ALDH7A1: variants seen among roughly 807,000 people sequenced by gnomAD.
ALDH7A1 encodes the protein aldehyde dehydrogenase 7 family member A1, also known as alpha-aminoadipic semialdehyde dehydrogenase.
A neutral mutation model predicts 79.9 loss-of-function variants in ALDH7A1; 63 were observed. The observed-to-expected ratio is 0.79, with a 90% CI of 0.64 to 0.97. The LOEUF is 0.97. ALDH7A1 is among the 50% of genes least tolerant of loss of function. ALDH7A1 has a pLI of 0.00. For missense variants in ALDH7A1, 627 were observed against 665.2 expected, an observed-to-expected ratio of 0.94 and a Z score of 0.63; for synonymous variants, 240 against 231.2, an observed-to-expected ratio of 1.04 and a Z score of -0.34.
chr5:126,571,153 T>A, intron 7 of ALDH7A1: 5 of 108,492 alleles, frequency 4.6e-5, no homozygotes, highest in Non-Finnish European at 7.8e-5. Flanking sequence ...TTAGCAGATT[T>A]TTTTTTTTTT....
chr5:126,571,079 T>C (rs894389829), intron 7 of ALDH7A1: 2 of 507,496 alleles, frequency 3.9e-6, no homozygotes, highest in African/African-American at 3.9e-5. Flanking sequence ...TCTGTCCTTC[T>C]GTCCTCAAAC....
At chr5:126,566,035 C>A (rs1750570667) in intron 9 of ALDH7A1, among the ~76,000 whole-genome samples, 1 of 152,178 alleles carries the variant, frequency 6.6e-6, no homozygotes, top group African/African-American at 2.4e-5. Flanking sequence ...CAATTATCTT[C>A]TTTTTCAAGA....
intron 6 of ALDH7A1, 112 bp downstream of exon 6, chr5:126,576,967 G>T: frequency 1.5e-6 from 2 of 1,344,804 alleles, no homozygotes; most frequent in South Asian, 1.2e-5. Context: ...GAAGAAGCCA[G>T]GTGTGGTGAT....
rs773503933 is a variant in ALDH7A1 at position 126,577,152 on chromosome 5, C to T, written c.577G>A (p.Ala193Thr). 6.8e-6 allele frequency: 11 copies of T among 1,614,002 alleles called. No homozygotes were observed. The highest frequency in any genetic ancestry group is 2.2e-5 in the East Asian group (1 of 44,888). Residue 193 changes from alanine (A) to threonine (T), a missense_variant, in exon 6 of 18, where the codon GCA (alanine) becomes ACA (threonine). Physicochemically the swap from Ala to Thr is moderately conservative, Grantham distance 58. Transcript: ENST00000409134. ...TACACTGCCACAGGGAAATTGAATGCCGTGATGATTCCAACCAGGCCTACG... is the reference window on the plus strand; with the variant it reads ...TACACTGCCACAGGGAAATTGAATGTCGTGATGATTCCAACCAGGCCTACG... ...NPVGLVGIIT[A>T]FNFPVAVYGW... is the part of the protein sequence containing the mutation.
intron 5 of ALDH7A1, chr5:126,581,834 C>G: frequency 4.6e-6 from 1 of 217,576 alleles, no homozygotes; most frequent in Non-Finnish European, 8.9e-6. Context: ...AAAAATTAGC[C>G]GGGTGTGATG....
chr5:126,578,792 A>T (rs1751071365), intron 5 of ALDH7A1, among the ~76,000 whole-genome samples: 1 of 152,224 alleles, frequency 6.6e-6, no homozygotes, highest in South Asian at 2.1e-4. Flanking sequence ...ATACCACACG[A>T]ATACGATGGT....
chr5:126,571,133 CA>C, intron 7 of ALDH7A1: 1 of 250,766 alleles, frequency 4.0e-6, no homozygotes, highest in Non-Finnish European at 7.8e-6. Context: ...ATGCCGTTTT[CA>C]AAAAACTATT....
intron 1 of ALDH7A1, among the ~76,000 whole-genome samples, 153 bp downstream of exon 1, chr5:126,594,854 G>A (rs1011044511): frequency 6.6e-6 from 1 of 151,472 alleles, no homozygotes; most frequent in Admixed American, 6.6e-5. Context: ...TGTTTTAAAG[G>A]CACCCTACAC....
At chr5:126,555,686 G>C (rs1172036447) in intron 12 of ALDH7A1, among the ~76,000 whole-genome samples, 1 of 151,982 alleles carries the variant, frequency 6.6e-6, no homozygotes, top group Middle Eastern at 3.2e-3. Flanking sequence ...TAATAGTAAT[G>C]AGAGAGAAGC....
rs1354695796 is a variant in ALDH7A1, at chr5:126,582,300, C to CA, written c.517+550dup. Among the ~76,000 whole-genome samples the CA allele has an allele frequency of 2.6e-5, 4 of 151,898 alleles. No homozygotes were observed. The South Asian group carries it at 6.2e-4, about 24-fold the overall frequency. ...TTCTGATATGAATCTATCGTTTCTT[C>CA]AAAAAAAATTAACATTAGTATAATT... On this transcript the variant is annotated intron_variant, in intron 5 of 17. Coordinates refer to ENST00000409134, the MANE Select transcript of ALDH7A1 (RefSeq NM_001182.5).
chr5:126,565,234 A>C (rs1350665752), intron 9 of ALDH7A1, among the ~76,000 whole-genome samples: 1 of 152,008 alleles, frequency 6.6e-6, no homozygotes, highest in Non-Finnish European at 1.5e-5. Context: ...CTCTACTAAA[A>C]ATACAAAAAT....
chr5:126,556,108 A>C, intron 11 of ALDH7A1, 93 bp from the exon 12 acceptor site: 1 of 690,486 alleles, frequency 1.4e-6, no homozygotes, highest in East Asian at 3.0e-5. Flanking sequence ...GAAATACTGT[A>C]ATCTCTAAAA....
In ALDH7A1 at chr5:126,549,875, A is replaced by G. The variant is rs923448602; in HGVS notation, c.1489+54T>C. Reference sequence around the variant, plus strand: ...TGGTCAGCCTTTTCTAAAAGCTACTACTGGTTTTTCTTTGCTGCCCAACAT... The same window carrying G: ...TGGTCAGCCTTTTCTAAAAGCTACTGCTGGTTTTTCTTTGCTGCCCAACAT... On this transcript the variant is annotated intron_variant, in intron 16 of 17. Transcript: ENST00000409134. The G allele has an allele frequency of 1.7e-5, 26 of 1,527,440 alleles. No homozygotes were observed. In the African/African-American group the frequency reaches 2.2e-4, roughly 13 times the overall value. 94.6% of individuals were successfully genotyped at this position (1,527,440 alleles called of 1,614,324 possible).
At chr5:126,584,390 G>T (rs1172691288) in intron 3 of ALDH7A1, 1 of 287,426 alleles carries the variant, frequency 3.5e-6, no homozygotes, top group Non-Finnish European at 6.7e-6. Flanking sequence ...GGCTGGGCGT[G>T]GTGGCTCACA....
chr5:126,552,233 A>G (rs1021103828), intron 13 of ALDH7A1, 96 bp from the exon 14 acceptor site: 1 of 848,508 alleles, frequency 1.2e-6, no homozygotes, highest in Non-Finnish European at 2.0e-6. Flanking sequence ...TATAAAGAAA[A>G]AAATTAGCAT....
At chr5:126,559,148 T>C in intron 11 of ALDH7A1, 92 bp downstream of exon 11, 2 of 1,023,182 alleles carry the variant, frequency 2.0e-6, no homozygotes, top group South Asian at 1.3e-5. Context: ...CATGTTGTTC[T>C]AGCAGTATTG....
At chr5:126,592,589 G>A (rs1254133882) in intron 3 of ALDH7A1, 75 bp downstream of exon 3, 35 of 1,452,536 alleles carry the variant, frequency 2.4e-5, no homozygotes, top group Middle Eastern at 3.5e-4. Flanking sequence ...CTGCTTATCA[G>A]ATGTTTATGT....
Position 126,543,176 on chromosome 5 carries a change from C to G in ALDH7A1, c.*1789G>C, listed in dbSNP as rs1423802817. 3 of 152,034 alleles carry G rather than the reference C, an allele frequency of 2.0e-5. No individual in the cohort carries two copies. The allele number at this position is 152,034 out of a possible 1,614,324, so 9.4% of individuals were successfully genotyped here. ...ATTTTAACTTGGATAGTTAAAAATA[C>G]TAACAAGTGATTTATATCTGCTAAA... On this transcript the variant is annotated 3_prime_UTR_variant, in exon 18 of 18. Transcript: ENST00000409134.
At chr5:126,573,555 G>A (rs187174507) in intron 7 of ALDH7A1, among the ~76,000 whole-genome samples, 4,009 of 151,724 alleles carry the variant, frequency 0.026, 142 homozygotes, top group African/African-American at 0.077. Context: ...AAAATTAGCC[G>A]GGCGTGGTGG....
Sources: allele counts gnomAD v4.1 joint callset (sites outside exome capture counted in the v4.1 genomes callset), GRCh38; gene constraint gnomAD v4.1.1; transcripts MANE v1.5; gene names NCBI Gene and HGNC (gene_info 2026-07-23, HGNC 2026-07-21).